Variants in JPH2 observed in about 807,000 individuals in gnomAD.
The protein encoded by JPH2 is junctophilin 2, also known as junctophilin-2.
JPH2 carries 38 observed loss-of-function variants against 55.9 expected under a neutral mutation model. The observed-to-expected ratio is 0.68, with a 90% CI of 0.52 to 0.89. JPH2 has a LOEUF of 0.89. JPH2 is among the 40% of genes least tolerant of loss of function. JPH2 has a pLI of 0.00. For synonymous variants in JPH2, 480 were observed against 472.4 expected (o/e 1.02, Z -0.21); for missense variants, 964 against 1,037.6 (o/e 0.93, Z 0.97).
At chr20:44,170,520 C>G in intron 1 of JPH2, among the ~76,000 whole-genome samples, 1 of 152,296 alleles carries the variant, frequency 6.6e-6, no homozygotes, top group East Asian at 1.9e-4. Flanking sequence ...GTTAATGGCT[C>G]TTGTCCAAGC....
chr20:44,165,136 C>T (rs1373871308), intron 1 of JPH2, among the ~76,000 whole-genome samples: 1 of 152,112 alleles, frequency 6.6e-6, no homozygotes, highest in African/African-American at 2.4e-5. Context: ...TGCGCCCAGC[C>T]AAATGTTCTG....
At chr20:44,161,860 C>A (rs185043586) in intron 1 of JPH2, among the ~76,000 whole-genome samples, 242 of 152,186 alleles carry the variant, frequency 1.6e-3, no homozygotes, top group South Asian at 3.5e-3. Context: ...GTCCTGCTGA[C>A]CTCCCCAAAT....
chr20:44,162,781 T>TACACACACACAC (rs1192452736), intron 1 of JPH2, among the ~76,000 whole-genome samples: 1 of 70,040 alleles, frequency 1.4e-5, no homozygotes, highest in South Asian at 5.2e-4. Flanking sequence ...TATATATATA[T>TACACACACACAC]ATATATACAC....
chr20:44,161,099 A>G (rs959698653), intron 1 of JPH2, among the ~76,000 whole-genome samples: 1 of 152,112 alleles, frequency 6.6e-6, no homozygotes, highest in Non-Finnish European at 1.5e-5. Context: ...CACACAAATC[A>G]TGAGTGTGCA....
At chr20:44,163,748 G>A (rs1184665284) in intron 1 of JPH2, among the ~76,000 whole-genome samples, 1 of 152,220 alleles carries the variant, frequency 6.6e-6, no homozygotes, top group East Asian at 1.9e-4. Flanking sequence ...AGAAGCACCA[G>A]TGAAACTTTA....
At chr20:44,148,473 A>G (rs916103491) in intron 2 of JPH2, among the ~76,000 whole-genome samples, 3 of 152,168 alleles carry the variant, frequency 2.0e-5, no homozygotes, top group African/African-American at 7.2e-5. Flanking sequence ...CCTTCCCCTA[A>G]CAGATGAGGA....
intron 2 of JPH2, among the ~76,000 whole-genome samples, chr20:44,125,558 T>A (rs991181921): frequency 2.2e-4 from 33 of 152,284 alleles, no homozygotes; most frequent in African/African-American, 7.2e-4. Flanking sequence ...AGGTCCGTCA[T>A]GTGCTGGGGC....
intron 2 of JPH2, among the ~76,000 whole-genome samples, chr20:44,141,507 A>G (rs1371779454): frequency 7.5e-6 from 1 of 134,000 alleles, no homozygotes; most frequent in African/African-American, 2.8e-5. Flanking sequence ...GAGGCAGTAG[A>G]AGCAGTTTTT....
At chr20:44,116,443 C>T (rs1002262651) in intron 3 of JPH2, 57 bp from the exon 4 acceptor site, 271 of 1,533,868 alleles carry the variant, frequency 1.8e-4, no homozygotes, top group Non-Finnish European at 2.3e-4. Flanking sequence ...TTGGGTGATC[C>T]TGGGCCAGCC....
At chr20:44,157,944 G>A (rs1263194601) in intron 2 of JPH2, among the ~76,000 whole-genome samples, 1 of 152,158 alleles carries the variant, frequency 6.6e-6, no homozygotes, top group African/African-American at 2.4e-5. Context: ...CTTTTGCTGG[G>A]TTGAAAAGGT....
chr20:44,169,320 G>T (rs542364494), intron 1 of JPH2, among the ~76,000 whole-genome samples: 1 of 152,138 alleles, frequency 6.6e-6, no homozygotes, highest in South Asian at 2.1e-4. Flanking sequence ...GGGACTACAG[G>T]TTCCTGCCAC....
intron 1 of JPH2, among the ~76,000 whole-genome samples, chr20:44,182,785 A>C (rs1407605154): frequency 6.6e-6 from 1 of 152,072 alleles, no homozygotes; most frequent in East Asian, 1.9e-4. Flanking sequence ...ATGTTTTTCC[A>C]CTGGACAGGG....
At chr20:44,134,469 TA>T (rs1569194266) in intron 2 of JPH2, among the ~76,000 whole-genome samples, 1 of 23,598 alleles carries the variant, frequency 4.2e-5, no homozygotes, top group Non-Finnish European at 6.9e-5. Context: ...TAAATATATA[TA>T]AATATATATT....
chr20:44,118,730 G>T, intron 2 of JPH2, 107 bp from the exon 3 acceptor site: 2 of 870,836 alleles, frequency 2.3e-6, no homozygotes, highest in African/African-American at 1.6e-5. Context: ...ATTCTTTCAC[G>T]CAGGCAGTCA....
intron 1 of JPH2, among the ~76,000 whole-genome samples, chr20:44,161,256 G>T (rs2072607991): frequency 6.6e-6 from 1 of 152,288 alleles, no homozygotes; most frequent in Middle Eastern, 3.4e-3. Context: ...GTGAGGTGAT[G>T]GGCATCAGTG....
intron 1 of JPH2, among the ~76,000 whole-genome samples, chr20:44,175,460 G>A (rs371047003): frequency 1.1e-4 from 16 of 152,306 alleles, no homozygotes; most frequent in African/African-American, 3.4e-4. Context: ...TCTCTGGCTC[G>A]CCTGCAAGGC....
chr20:44,181,699 C>T (rs1331154373), intron 1 of JPH2, among the ~76,000 whole-genome samples: 1 of 152,232 alleles, frequency 6.6e-6, no homozygotes, highest in Non-Finnish European at 1.5e-5. Context: ...GTCCTCTCGT[C>T]CTGGAGTCTC....
chr20:44,172,024 T>A (rs1366595879), intron 1 of JPH2, among the ~76,000 whole-genome samples: 1 of 152,166 alleles, frequency 6.6e-6, no homozygotes, highest in Non-Finnish European at 1.5e-5. Context: ...TTTGAGTCTG[T>A]CTCCTCTCAG....
chr20:44,159,896 G>T lies in JPH2; in HGVS notation c.891C>A (p.Asn297Lys). 1.2e-6 allele frequency: 2 copies of T among 1,613,230 alleles called. No homozygotes were observed. Among genetic ancestry groups the T allele is most frequent in the Non-Finnish European group, 1.7e-6 (2 of 1,179,784 alleles). The change falls in exon 2 of 6, where the codon AAC (asparagine) becomes AAA (lysine). Residue 297 changes from asparagine to lysine, a missense_variant. Coordinates refer to ENST00000372980, the MANE Select transcript of JPH2 (RefSeq NM_020433.5). The surrounding 1 kb of genome is among the most constrained non-coding windows in gnomAD (Gnocchi z 5.7). ...TTETYMGEWK[N>K]DKRSGFGVSE... ...TCACGCCGAAGCCCGAGCGTTTGTC[G>T]TTCTTCCACTCGCCCATGTAGGTCT...
Sources: gnomAD v4.1 joint callset for allele counts (sites outside exome capture counted in the v4.1 genomes callset) on GRCh38, gnomAD v4.1.1 for gene constraint, Gnocchi (gnomAD v3.1) non-coding constraint, MANE v1.5 for transcripts, NCBI Gene and HGNC (gene_info 2026-07-23, HGNC 2026-07-21) for gene names.